Variants in TBC1D5 observed in about 807,000 individuals in gnomAD.
The protein encoded by TBC1D5 is TBC1 domain family member 5.
TBC1D5 carries 75 observed loss-of-function variants against 100.3 expected under a neutral mutation model. The observed-to-expected ratio is 0.75, with a 90% confidence interval of 0.62 to 0.91. TBC1D5 has a LOEUF of 0.91. TBC1D5 is among the 40% of genes least tolerant of loss of function. The pLI is 0.00. For missense variants in TBC1D5, 910 were observed against 942.4 expected, an observed-to-expected ratio of 0.97 and a Z score of 0.45; for synonymous variants, 323 against 325.6, an observed-to-expected ratio of 0.99 and a Z score of 0.09.
chr3:17,433,859 T>C (rs2094488386), intron 3 of TBC1D5, among the ~76,000 whole-genome samples: 1 of 152,098 alleles, frequency 6.6e-6, no homozygotes, highest in Non-Finnish European at 1.5e-5. Context: ...CATTGAGCAA[T>C]ACACCCGCTC....
intron 16 of TBC1D5, among the ~76,000 whole-genome samples, chr3:17,241,587 T>C (rs1485373045): frequency 2.0e-5 from 3 of 152,220 alleles, no homozygotes; most frequent in Non-Finnish European, 2.9e-5. Flanking sequence ...CACAACCTCA[T>C]TTAACAAGTT....
intron 1 of TBC1D5, among the ~76,000 whole-genome samples, chr3:17,728,127 C>T (rs890657180): frequency 7.2e-5 from 11 of 152,290 alleles, no homozygotes; most frequent in Admixed American, 6.5e-4. Context: ...TTTTAAAGAG[C>T]ACACACACGC....
At chr3:17,520,831 C>T (rs922322874) in intron 2 of TBC1D5, among the ~76,000 whole-genome samples, 2 of 152,082 alleles carry the variant, frequency 1.3e-5, no homozygotes, top group Non-Finnish European at 2.9e-5. Flanking sequence ...TGTATTTTAT[C>T]TGACAACCCT....
At chr3:17,375,057 T>C (rs981982440) in intron 10 of TBC1D5, among the ~76,000 whole-genome samples, 1 of 151,482 alleles carries the variant, frequency 6.6e-6, no homozygotes, top group African/African-American at 2.4e-5. Context: ...CATTGATTTA[T>C]TTTCTTTAAC....
chr3:17,204,906 T>C (rs758685590), intron 18 of TBC1D5, among the ~76,000 whole-genome samples: 1 of 152,174 alleles, frequency 6.6e-6, no homozygotes, highest in Non-Finnish European at 1.5e-5. Context: ...ATTTGGGTGA[T>C]GCAAAAAGAT....
intron 15 of TBC1D5, among the ~76,000 whole-genome samples, chr3:17,271,198 G>A (rs1428930369): frequency 1.3e-5 from 2 of 152,152 alleles, no homozygotes; most frequent in Non-Finnish European, 2.9e-5. Context: ...TCTGTAGATT[G>A]CTTTGGGCAG....
At chr3:17,242,317 T>A (rs2596636) in intron 16 of TBC1D5, among the ~76,000 whole-genome samples, 62,173 of 152,000 alleles carry the variant, frequency 0.41, 13,426 homozygotes, top group Middle Eastern at 0.49. Flanking sequence ...GTTTATCTCC[T>A]TTCTTCCTCT....
chr3:17,251,600 A>G (rs2077190971), intron 16 of TBC1D5, among the ~76,000 whole-genome samples: 1 of 152,162 alleles, frequency 6.6e-6, no homozygotes, highest in Non-Finnish European at 1.5e-5. Flanking sequence ...ATGGATAAGA[A>G]TATCTCTAAA....
intron 3 of TBC1D5, among the ~76,000 whole-genome samples, chr3:17,442,891 A>C (rs977919085): frequency 1.3e-5 from 2 of 151,752 alleles, no homozygotes; most frequent in Non-Finnish European, 2.9e-5. Flanking sequence ...GAGGGAGAAG[A>C]AGCGAGGGAC....
At chr3:17,185,261 T>C in intron 18 of TBC1D5, 53 bp from the exon 20 acceptor site, 1 of 1,500,738 alleles carries the variant, frequency 6.7e-7, no homozygotes, top group Non-Finnish European at 9.2e-7. Context: ...TCAAATAAAA[T>C]CTCCAAAGTT....
chr3:17,614,152 C>T (rs1439051735), intron 2 of TBC1D5, among the ~76,000 whole-genome samples: 1 of 152,138 alleles, frequency 6.6e-6, no homozygotes, highest in African/African-American at 2.4e-5. Context: ...AATCCTATCC[C>T]CATTTCTTGT....
intron 1 of TBC1D5, among the ~76,000 whole-genome samples, chr3:17,640,045 T>C (rs182338345): frequency 3.2e-4 from 48 of 152,214 alleles, no homozygotes; most frequent in African/African-American, 1.1e-3. Context: ...ACAGCCCCCT[T>C]CACCTCTACA....
chr3:17,231,377 A>G (rs1309709971), intron 17 of TBC1D5, among the ~76,000 whole-genome samples: 5 of 152,066 alleles, frequency 3.3e-5, no homozygotes, highest in Non-Finnish European at 7.4e-5. Flanking sequence ...ATAATTCTCT[A>G]AAAATTACTT....
chr3:17,386,483 C>G (rs1322413325), intron 8 of TBC1D5, among the ~76,000 whole-genome samples: 1 of 152,120 alleles, frequency 6.6e-6, no homozygotes, highest in Non-Finnish European at 1.5e-5. Context: ...ATTTTAAGTT[C>G]AGCCTAAAGG....
chr3:17,403,329 G>T, intron 7 of TBC1D5, 81 bp from the exon 8 acceptor site: 1 of 954,452 alleles, frequency 1.0e-6, no homozygotes, highest in Middle Eastern at 2.7e-4. Flanking sequence ...AATGTAAATG[G>T]TTAAAATTTA....
chr3:17,532,329 G>A (rs1348755265), intron 2 of TBC1D5, among the ~76,000 whole-genome samples: 1 of 152,154 alleles, frequency 6.6e-6, no homozygotes, highest in Non-Finnish European at 1.5e-5. Flanking sequence ...TAAAAAGTCA[G>A]GAAACAACAG....
chr3:17,525,767 C>T (rs2096126250), intron 2 of TBC1D5, among the ~76,000 whole-genome samples: 1 of 134,836 alleles, frequency 7.4e-6, no homozygotes, highest in Non-Finnish European at 1.5e-5. Flanking sequence ...TGTTTTCCTA[C>T]CTCTCTGTTT....
At chr3:17,228,628 C>T (rs2075135677) in intron 17 of TBC1D5, among the ~76,000 whole-genome samples, 1 of 152,008 alleles carries the variant, frequency 6.6e-6, no homozygotes, top group African/African-American at 2.4e-5. Context: ...AACTGAAATC[C>T]AGGCCATGGT....
At chr3:17,365,752 C>G (rs2092078930) in intron 13 of TBC1D5, among the ~76,000 whole-genome samples, 1 of 152,142 alleles carries the variant, frequency 6.6e-6, no homozygotes, top group Non-Finnish European at 1.5e-5. Context: ...TCTTTGATAT[C>G]TGGTGAAACT....
Sources: allele counts gnomAD v4.1 joint callset (sites outside exome capture counted in the v4.1 genomes callset), GRCh38; gene constraint gnomAD v4.1.1; transcripts MANE v1.5; gene names NCBI Gene and HGNC (gene_info 2026-07-23, HGNC 2026-07-21).